PGPEP1L: variants seen among roughly 807,000 people sequenced by gnomAD.
PGPEP1L encodes the protein pyroglutamyl-peptidase 1-like protein.
In PGPEP1L, 7 loss-of-function variants were observed where a neutral mutation model predicts 6.0. The observed-to-expected ratio is 1.17, with a 90% CI of 0.66 to 2.19. The LOEUF is 2.19. Among genes scored for constraint, PGPEP1L ranks in the 30% most tolerant of loss-of-function variants. The pLI is 0.00. For synonymous variants in PGPEP1L, 103 were observed against 83.9 expected (o/e 1.23, Z -1.24); for missense variants, 209 against 192.5 (o/e 1.09, Z -0.51).
chr15:98,994,136 C>G (rs1159662571), intron 2 of PGPEP1L, among the ~76,000 whole-genome samples: 1 of 152,046 alleles, frequency 6.6e-6, no homozygotes, highest in Non-Finnish European at 1.5e-5. Flanking sequence ...CATAGTGGCA[C>G]ACACCTGTAG....
At chr15:99,000,122 T>A (rs1218188762) in intron 2 of PGPEP1L, among the ~76,000 whole-genome samples, 2 of 152,174 alleles carry the variant, frequency 1.3e-5, no homozygotes, top group Admixed American at 6.5e-5. Flanking sequence ...GGGCGTGGGC[T>A]CCGCGGGCCC....
At chr15:98,988,133 G>A (rs1218527726) in intron 2 of PGPEP1L, among the ~76,000 whole-genome samples, 5 of 152,054 alleles carry the variant, frequency 3.3e-5, no homozygotes, top group Non-Finnish European at 7.4e-5. Flanking sequence ...CAACACCAGC[G>A]AGACAGAATC....
At chr15:98,984,623 T>C (rs952723923) in intron 2 of PGPEP1L, among the ~76,000 whole-genome samples, 1 of 151,714 alleles carries the variant, frequency 6.6e-6, no homozygotes. Context: ...TAGATGATTA[T>C]ACCTACTATG....
intron 2 of PGPEP1L, among the ~76,000 whole-genome samples, chr15:98,995,552 G>C (rs2017876335): frequency 6.6e-6 from 1 of 152,084 alleles, no homozygotes; most frequent in Admixed American, 6.6e-5. Context: ...ATAAAAATTA[G>C]CTGGACATGG....
At position 98,970,103 on chromosome 15, in the gene PGPEP1L, C is replaced by T. The variant is rs141600307; in HGVS notation, c.-18-452G>A. 8.3e-3 allele frequency among the ~76,000 whole-genome samples: 1,270 copies of T among 152,246 alleles called. 23 individuals carry two copies. Among genetic ancestry groups the T allele is most frequent in the African/African-American group, 0.029 (1,224 of 41,536 alleles). ...TGGCTGTATCACCCAGGCTGGAGTGCAATGGCACCATCTCAGCTCCCTGCA... is the reference window on the plus strand; with the variant it reads ...TGGCTGTATCACCCAGGCTGGAGTGTAATGGCACCATCTCAGCTCCCTGCA... On this transcript the variant is annotated intron_variant, in intron 3 of 4. Transcript: ENST00000535714.
intron 2 of PGPEP1L, among the ~76,000 whole-genome samples, chr15:99,004,274 T>C (rs1422677888): frequency 1.3e-5 from 2 of 151,888 alleles, no homozygotes; most frequent in Non-Finnish European, 2.9e-5. Context: ...GGGGGTGTGG[T>C]GGTGAGTGCC....
At chr15:99,006,275 A>G (rs2018059472) in intron 1 of PGPEP1L, among the ~76,000 whole-genome samples, 1 of 152,100 alleles carries the variant, frequency 6.6e-6, no homozygotes, top group African/African-American at 2.4e-5. Flanking sequence ...CCACCTAGCT[A>G]GCGTCTGTGC....
Position 98,985,635 on chromosome 15 carries a change from C to T in PGPEP1L, c.-141-14477G>A, listed in dbSNP as rs79675453. On this transcript the variant is annotated intron_variant, in intron 2 of 4. Coordinates refer to ENST00000535714, the MANE Select transcript of PGPEP1L (RefSeq NM_001167902.2). ...ATGTTTCCTGACCCCAGGAGAAGAG[C>T]GCAAGTGGGCTGAACCTGGCCTTCC... Among the ~76,000 whole-genome samples, 547 of 152,332 alleles carry T rather than the reference C, an allele frequency of 3.6e-3. 2 individuals are homozygous for T. The highest frequency in any genetic ancestry group is 0.013 in the African/African-American group (521 of 41,570).
At chr15:98,997,920 G>T (rs1467172381) in intron 2 of PGPEP1L, among the ~76,000 whole-genome samples, 2 of 152,036 alleles carry the variant, frequency 1.3e-5, no homozygotes, top group African/African-American at 4.8e-5. Context: ...AGGCAGGAGG[G>T]GCATGAGGCA....
At chr15:98,977,950 C>T (rs1419949818) in intron 2 of PGPEP1L, among the ~76,000 whole-genome samples, 2 of 152,202 alleles carry the variant, frequency 1.3e-5, no homozygotes, top group Non-Finnish European at 2.9e-5. Flanking sequence ...TCTGACTCCA[C>T]ATTGTGAGCT....
chr15:98,970,969 C>A (rs549953951), intron 3 of PGPEP1L, 67 bp downstream of exon 3: 1 of 1,595,188 alleles, frequency 6.3e-7, no homozygotes, highest in African/African-American at 1.3e-5. Context: ...AACCAGGACC[C>A]GGGGGTTCAG....
chr15:98,978,726 A>ATATATATTT (rs1446348988), intron 2 of PGPEP1L, among the ~76,000 whole-genome samples: 8 of 85,234 alleles, frequency 9.4e-5, no homozygotes, highest in African/African-American at 4.1e-4. Flanking sequence ...ATATATATAT[A>ATATATATTT]TTTTTTTTTT....
chr15:98,969,709 C>T (rs2017465019), intron 3 of PGPEP1L, 58 bp from the exon 4 acceptor site: 2 of 1,556,896 alleles, frequency 1.3e-6, no homozygotes, highest in African/African-American at 1.4e-5. Flanking sequence ...CCCTGCTCAC[C>T]AAATGTGCAG....
intron 2 of PGPEP1L, among the ~76,000 whole-genome samples, chr15:98,975,511 G>A (rs2017555591): frequency 1.3e-5 from 2 of 152,172 alleles, no homozygotes; most frequent in Non-Finnish European, 2.9e-5. Flanking sequence ...TTGAGATGAT[G>A]GATATCCTAA....
chr15:98,970,566 G>A (rs1464659427), intron 3 of PGPEP1L, among the ~76,000 whole-genome samples: 2 of 151,812 alleles, frequency 1.3e-5, no homozygotes, highest in Non-Finnish European at 2.9e-5. Context: ...GGGGGGTGGG[G>A]TTGTATCTGT....
chr15:98,985,584 GAA>G (rs1440373591), intron 2 of PGPEP1L, among the ~76,000 whole-genome samples: 2 of 152,170 alleles, frequency 1.3e-5, no homozygotes, highest in East Asian at 3.9e-4. Context: ...TCTTGTGCTA[GAA>G]GTGATCCTCT....
chr15:99,000,681 T>C (rs1306785225), intron 2 of PGPEP1L, among the ~76,000 whole-genome samples: 1 of 152,058 alleles, frequency 6.6e-6, no homozygotes, highest in African/African-American at 2.4e-5. Flanking sequence ...CTAACTAATC[T>C]AGTGGGGAAC....
intron 2 of PGPEP1L, among the ~76,000 whole-genome samples, chr15:98,989,871 C>T (rs973007719): frequency 6.6e-6 from 1 of 152,086 alleles, no homozygotes; most frequent in Non-Finnish European, 1.5e-5. Context: ...ATTTCATATC[C>T]AGCCAAACTA....
intron 2 of PGPEP1L, among the ~76,000 whole-genome samples, chr15:98,971,442 C>A (rs1048779018): frequency 6.6e-6 from 1 of 151,682 alleles, no homozygotes; most frequent in South Asian, 2.1e-4. Flanking sequence ...TGCAGTGAGC[C>A]GAAATAGTAC....
Sources: allele counts gnomAD v4.1 joint callset (sites outside exome capture counted in the v4.1 genomes callset), GRCh38; gene constraint gnomAD v4.1.1; transcripts MANE v1.5; gene names NCBI Gene and HGNC (gene_info 2026-07-23, HGNC 2026-07-21).